Variants in COL6A6 observed in about 807,000 individuals in gnomAD.
COL6A6 encodes the protein collagen type VI alpha 6 chain, also known as collagen alpha-6(VI) chain.
Under a neutral mutation model 208.6 loss-of-function variants are expected in COL6A6, and 183 were observed. The ratio of observed to expected loss-of-function variants is 0.88; its 90% CI spans 0.78 to 0.99. The LOEUF is 0.99. Ranked by LOEUF, COL6A6 falls within the 50% of genes least tolerant of loss-of-function variation. The pLI, the probability that COL6A6 is intolerant of heterozygous loss-of-function variation, is 0.00. For missense variants in COL6A6, 2,816 were observed against 2,815.2 expected, an observed-to-expected ratio of 1.00 and a Z score of -0.01; for synonymous variants, 973 against 1,011.8, an observed-to-expected ratio of 0.96 and a Z score of 0.73.
chr3:130,644,914 C>G, intron 31 of COL6A6, 77 bp from the exon 32 acceptor site: 1 of 1,350,750 alleles, frequency 7.4e-7, no homozygotes, highest in South Asian at 1.2e-5. Context: ...CAGGATAGAA[C>G]CTTTCTTTCC....
chr3:130,646,208 G>A (rs190034686), intron 32 of COL6A6, among the ~76,000 whole-genome samples: 2 of 151,988 alleles, frequency 1.3e-5, no homozygotes, highest in East Asian at 1.9e-4. Flanking sequence ...ATAATGTAAG[G>A]GGGGGAGATG....
intron 33 of COL6A6, among the ~76,000 whole-genome samples, chr3:130,655,770 GAA>G (rs1227062614): frequency 2.6e-5 from 4 of 152,220 alleles, no homozygotes; most frequent in Non-Finnish European, 4.4e-5. Context: ...CCACCAGCTG[GAA>G]ACCTCTGTGG....
Position 130,649,174 on chromosome 3 carries a change from T to C in COL6A6, c.5345T>C (p.Phe1782Ser). ...EFERMKEMMA[F>S]LVRDIKVREN... ...GAGCGGATGAAGGAGATGATGGCTT[T>C]CCTGGTGAGAGACATTAAGGTCCGG... Residue 1782 changes from phenylalanine (F) to serine (S), a missense_variant, in exon 33 of 37, where the codon TTC becomes TCC. Physicochemically the swap from Phe to Ser is radical, Grantham distance 155 (BLOSUM62 -2). Coordinates refer to ENST00000358511, the MANE Select transcript of COL6A6 (RefSeq NM_001102608.3). 1 of 1,595,530 alleles carries C rather than the reference T, an allele frequency of 6.3e-7. No homozygotes were observed. The highest frequency in any genetic ancestry group is 2.3e-5 in the East Asian group (1 of 44,152).
chr3:130,571,448 A>G, intron 7 of COL6A6, 55 bp downstream of exon 7: 1 of 1,331,678 alleles, frequency 7.5e-7, no homozygotes, highest in Non-Finnish European at 1.0e-6. Context: ...CAAATGAGAG[A>G]GAAAGCAAAG....
At chr3:130,612,662 G>A (rs895681153) in intron 23 of COL6A6, among the ~76,000 whole-genome samples, 12 of 152,120 alleles carry the variant, frequency 7.9e-5, no homozygotes, top group African/African-American at 2.2e-4. Context: ...CAGCCTGGGC[G>A]TAGGGGATGC....
intron 1 of COL6A6, among the ~76,000 whole-genome samples, chr3:130,532,583 A>C (rs770375518): frequency 1.3e-5 from 2 of 149,000 alleles, no homozygotes; most frequent in African/African-American, 2.6e-5. Context: ...CTACATGTCC[A>C]TCTGCCTGTG....
At chr3:130,590,951 T>C in intron 12 of COL6A6, 90 bp from the exon 13 acceptor site, 1 of 929,568 alleles carries the variant, frequency 1.1e-6, no homozygotes, top group Non-Finnish European at 1.7e-6. Flanking sequence ...CTATTCCACA[T>C]GAAGTAAAAC....
Position 130,621,861 on chromosome 3 carries a change from G to A in COL6A6, c.4856G>A (p.Arg1619His), listed in dbSNP as rs370794032. 84 of 1,613,768 alleles carry A rather than the reference G, an allele frequency of 5.2e-5. No individual in the cohort carries two copies. Among genetic ancestry groups the A allele is most frequent in the South Asian group, 3.8e-4 (35 of 91,064 alleles). Reference protein sequence around the residue: ...GPGGEAGNQGRLGSQGNKGEP... With the variant: ...GPGGEAGNQGHLGSQGNKGEP... ...GGAGGAGAGGCAGGGAATCAAGGCC[G>A]TTTGGGAAGCCAAGGAAATAAAGTA... Residue 1619 changes from arginine (R) to histidine (H), a missense_variant, in exon 24 of 37, where the codon CGT (arginine) becomes CAT (histidine). Physicochemically the swap from Arg to His is conservative, Grantham distance 29. Coordinates refer to ENST00000358511, the MANE Select transcript of COL6A6 (RefSeq NM_001102608.3).
Position 130,539,003 on chromosome 3 carries a change from A to G in COL6A6, c.-31-21331A>G, listed in dbSNP as rs1162459098. On this transcript the variant is annotated intron_variant, in intron 1 of 36. Coordinates refer to ENST00000358511, the MANE Select transcript of COL6A6 (RefSeq NM_001102608.3). ...TTAACAGAAGTAGGTCTGTAAACAC[A>G]TTCATGGGGTGGCCCCTGTCCACAC... Among the ~76,000 whole-genome samples the G allele has an allele frequency of 3.3e-5, 5 of 152,220 alleles. No individual in the cohort carries two copies. In the South Asian group the frequency reaches 1.0e-3, roughly 32 times the overall value.
In COL6A6 at chr3:130,568,234, C is replaced by T; in HGVS notation, c.2031C>T (p.Asn677=). ...TCAATAAGGAAGAGTTTCAGCTCAA[C>T]AGATTCATGTCCCAAAGCGACATTT... The part of the protein sequence containing the change: ...SDINKEEFQL[N]RFMSQSDISN... The change falls in exon 6 of 37, where the codon AAC becomes AAT. Residue 677 remains asparagine (N), a synonymous_variant. Transcript: ENST00000358511. 6.2e-7 allele frequency: 1 copy of T among 1,614,032 alleles called. No individual in the cohort carries two copies. The highest frequency in any genetic ancestry group is 1.6e-4 in the Middle Eastern group (1 of 6,062).
In COL6A6 at chr3:130,649,262, C is replaced by A. The variant is rs753532421; in HGVS notation, c.5433C>A (p.His1811Gln). The A allele has an allele frequency of 1.3e-6, 2 of 1,599,948 alleles. No homozygotes were observed. The highest frequency in any genetic ancestry group is 1.3e-5 in the African/African-American group (1 of 74,608). The change falls in exon 33 of 37, where the codon CAC becomes CAA. Residue 1811 changes from histidine (H) to glutamine (Q), a missense_variant. His to Gln is a conservative substitution (Grantham distance 24). Coordinates refer to ENST00000358511, the MANE Select transcript of COL6A6 (RefSeq NM_001102608.3). ...AILSYNSHARHLVRFSDAYKK... is the reference protein window; with the variant it reads ...AILSYNSHARQLVRFSDAYKK... Reference sequence around the variant, plus strand: ...TCTCCTATAACTCCCACGCCAGGCACCTTGTGCGCTTCTCAGACGCCTACA... The same window carrying A: ...TCTCCTATAACTCCCACGCCAGGCAACTTGTGCGCTTCTCAGACGCCTACA...
At chr3:130,672,815 C>G (rs1244689771) in intron 36 of COL6A6, among the ~76,000 whole-genome samples, 1 of 151,440 alleles carries the variant, frequency 6.6e-6, no homozygotes, top group Non-Finnish European at 1.5e-5. Flanking sequence ...TCAAAACCAT[C>G]CTGGCCAACA....
At chr3:130,573,459 T>G (rs1046206606) in intron 7 of COL6A6, among the ~76,000 whole-genome samples, 1 of 152,190 alleles carries the variant, frequency 6.6e-6, no homozygotes, top group Admixed American at 6.5e-5. Context: ...TTGTACTGAC[T>G]TTAAGAGCTG....
In COL6A6 at chr3:130,547,963, A is replaced by G. The variant is rs538035474; in HGVS notation, c.-31-12371A>G. On this transcript the variant is annotated intron_variant, in intron 1 of 36. Coordinates refer to ENST00000358511, the MANE Select transcript of COL6A6 (RefSeq NM_001102608.3). The stretch of plus-strand genomic sequence containing the variant: ...CAGGCACCTGCCATCATGTCTGACT[A>G]AATTTTGTATTTTGAGATGGGGTTT... Among the ~76,000 whole-genome samples the G allele has an allele frequency of 9.2e-5, 14 of 152,192 alleles. No homozygotes were observed. The East Asian group carries it at 2.3e-3, about 25-fold the overall frequency.
rs757630192 is a variant in COL6A6, at chr3:130,642,991, G to A, written c.5195G>A (p.Cys1732Tyr). The A allele has an allele frequency of 6.2e-7, 1 of 1,613,926 alleles. No individual in the cohort carries two copies. Among genetic ancestry groups the A allele is most frequent in the East Asian group, 2.2e-5 (1 of 44,878 alleles). ...TGTTTTATTTTCGAACTGCAGACAT[G>A]TGAGCTCATTCAGTATGTGCGAGAC... The part of the protein sequence containing the change: ...GAKGLASFST[C>Y]ELIQYVRDRS... Residue 1732 changes from cysteine to tyrosine, a missense_variant, in exon 31 of 37, where the codon TGT (cysteine) becomes TAT (tyrosine). Coordinates refer to ENST00000358511, the MANE Select transcript of COL6A6 (RefSeq NM_001102608.3).
chr3:130,634,520 A>C (rs1292119551), intron 26 of COL6A6, 70 bp from the exon 27 acceptor site: 2 of 1,382,876 alleles, frequency 1.4e-6, no homozygotes, highest in Non-Finnish European at 2.0e-6. Flanking sequence ...GCAGCAGGTA[A>C]ATTGAAAATC....
Position 130,517,401 on chromosome 3 carries a change from A to G in COL6A6, c.-32+4A>G, listed in dbSNP as rs1710798363. On this transcript the variant is annotated splice_donor_region_variant and intron_variant, in intron 1 of 36. Coordinates refer to ENST00000358511, the MANE Select transcript of COL6A6 (RefSeq NM_001102608.3). The stretch of plus-strand genomic sequence containing the variant: ...GCTGCATGGAAGTTTCCCCAAGGTA[A>G]GTCCAGGAGCCAACGCTGGGACAGC... 6.6e-6 allele frequency among the ~76,000 whole-genome samples: 1 copy of G among 152,242 alleles called. No individual in the cohort carries two copies. Among genetic ancestry groups the G allele is most frequent in the African/African-American group, 2.4e-5 (1 of 41,472 alleles).
At chr3:130,607,697 A>G (rs1175916611) in intron 21 of COL6A6, among the ~76,000 whole-genome samples, 1 of 152,224 alleles carries the variant, frequency 6.6e-6, no homozygotes, top group African/African-American at 2.4e-5. Flanking sequence ...TAACAGAGTA[A>G]TAACCTGAAG....
At chr3:130,673,216 A>AC (rs2066270328) in intron 36 of COL6A6, among the ~76,000 whole-genome samples, 2 of 94,184 alleles carry the variant, frequency 2.1e-5, no homozygotes, top group Admixed American at 1.2e-4. Flanking sequence ...AACAAAAAAA[A>AC]CAAAAAAAAA....
Sources: gnomAD v4.1 joint callset for allele counts (sites outside exome capture counted in the v4.1 genomes callset) on GRCh38, gnomAD v4.1.1 for gene constraint, MANE v1.5 for transcripts, NCBI Gene and HGNC (gene_info 2026-07-23, HGNC 2026-07-21) for gene names.